Variants in NTN1 observed in about 807,000 individuals in gnomAD.
The protein encoded by NTN1 is netrin-1.
Under a neutral mutation model 54.2 loss-of-function variants are expected in NTN1, and 11 were observed. That is an observed-to-expected ratio of 0.20 (90% CI 0.13 to 0.34). The LOEUF (loss-of-function observed/expected upper bound fraction) is 0.34. NTN1 is among the 10% of genes least tolerant of loss of function. NTN1 has a pLI of 1.00. For synonymous variants in NTN1, 371 were observed against 382.0 expected, an observed-to-expected ratio of 0.97 and a Z score of 0.33; for missense variants, 740 against 893.1, an observed-to-expected ratio of 0.83 and a Z score of 2.18.
At chr17:9,044,397 G>T (rs1045715312) in intron 2 of NTN1, among the ~76,000 whole-genome samples, 1 of 151,878 alleles carries the variant, frequency 6.6e-6, no homozygotes, top group Non-Finnish European at 1.5e-5. Context: ...ACCATGCCTG[G>T]CTAGTTTTTG....
At chr17:9,036,072 G>A (rs1163613629) in intron 2 of NTN1, among the ~76,000 whole-genome samples, 1 of 152,080 alleles carries the variant, frequency 6.6e-6, no homozygotes, top group Non-Finnish European at 1.5e-5. Flanking sequence ...TGTTACCCAG[G>A]CTGGTCTTGA....
chr17:9,234,532 C>G (rs1328874523), intron 6 of NTN1, among the ~76,000 whole-genome samples: 1 of 152,234 alleles, frequency 6.6e-6, no homozygotes. Context: ...GGTGGAGCAC[C>G]AGGGCTCAGT....
At chr17:9,144,689 A>C (rs1212312203) in intron 2 of NTN1, among the ~76,000 whole-genome samples, 4 of 152,196 alleles carry the variant, frequency 2.6e-5, no homozygotes, top group African/African-American at 9.7e-5. Context: ...AGGTGGATGG[A>C]AGGCTGGAAC....
chr17:9,012,667 A>G, the NTN1 span, among the ~76,000 whole-genome samples: 11 of 151,752 alleles, frequency 7.2e-5, no homozygotes, highest in African/African-American at 2.4e-4. Flanking sequence ...GCTCTACTGG[A>G]TCCTTCTTAG....
At chr17:9,032,412 CAAAAG>C (rs748162769) in intron 2 of NTN1, among the ~76,000 whole-genome samples, 5 of 152,182 alleles carry the variant, frequency 3.3e-5, no homozygotes, top group Admixed American at 6.5e-5. Context: ...TCCCTACACT[CAAAAG>C]AAATTATGCC....
At chr17:9,085,397 C>T (rs1030669719) in intron 2 of NTN1, among the ~76,000 whole-genome samples, 26 of 152,144 alleles carry the variant, frequency 1.7e-4, no homozygotes, top group Admixed American at 1.3e-3. Context: ...GTGGAAGTTA[C>T]GCGTGTCATT....
At chr17:9,192,031 A>G (rs1160747882) in intron 5 of NTN1, among the ~76,000 whole-genome samples, 2 of 152,082 alleles carry the variant, frequency 1.3e-5, no homozygotes. Context: ...ATAAAAAGTA[A>G]TTATTCTCTG....
chr17:9,134,372 C>T (rs934790170), intron 2 of NTN1, among the ~76,000 whole-genome samples: 1 of 152,148 alleles, frequency 6.6e-6, no homozygotes, highest in African/African-American at 2.4e-5. Context: ...CCTCTCTCCC[C>T]CCAGAGCACT....
chr17:9,214,230 G>T (rs1905169681), intron 5 of NTN1, among the ~76,000 whole-genome samples: 1 of 152,030 alleles, frequency 6.6e-6, no homozygotes, highest in African/African-American at 2.4e-5. Flanking sequence ...TATCATTGTG[G>T]TCAGGAAATG....
chr17:9,043,277 C>T (rs1452304984), intron 2 of NTN1, among the ~76,000 whole-genome samples: 1 of 152,096 alleles, frequency 6.6e-6, no homozygotes, highest in Non-Finnish European at 1.5e-5. Flanking sequence ...ATAATAATAA[C>T]ATTTGATCAT....
chr17:9,083,522 T>C lies in NTN1; in HGVS notation c.1018+60131T>C, dbSNP rs143595161. Among the ~76,000 whole-genome samples the C allele has an allele frequency of 1.4e-3, 210 of 152,372 alleles. 1 individual carries two copies. The highest frequency in any genetic ancestry group is 1.8e-3 in the Non-Finnish European group (122 of 68,036). ...AATGGTCATGTGACCTGGTTTGGTC[T>C]AATGAAGCATGAAGGGACATTGGCT... On this transcript the variant is annotated intron_variant, in intron 2 of 6. Transcript: ENST00000173229.
chr17:9,118,248 G>A (rs541517534), intron 2 of NTN1, among the ~76,000 whole-genome samples: 54 of 152,320 alleles, frequency 3.5e-4, no homozygotes, highest in African/African-American at 7.7e-4. Flanking sequence ...GGCCGGGCGC[G>A]GTGGCTCACG....
chr17:9,221,312 G>A lies in NTN1; in HGVS notation c.1486+70G>A. ...GTGACCAGCGAGGTGCTGGGGCTGG[G>A]GTGCAGCTGGCCCCCGATGGGTGTT... On this transcript the variant is annotated intron_variant, in intron 6 of 6. Transcript: ENST00000173229. This position sits in a 1 kb window ranked among gnomAD's most constrained non-coding sequence, Gnocchi z 4.5. 1 of 1,241,832 alleles carries A rather than the reference G, an allele frequency of 8.1e-7. No individual in the cohort carries two copies. The highest frequency in any genetic ancestry group is 1.2e-6 in the Non-Finnish European group (1 of 841,718). The allele number at this position is 1,241,832 out of a possible 1,614,324, so 76.9% of individuals were successfully genotyped here. A position where few individuals can be genotyped will look rare whatever the true frequency, so the allele number is the denominator to read the frequency against.
At chr17:9,150,214 TAATA>T (rs1039943462) in intron 2 of NTN1, among the ~76,000 whole-genome samples, 5 of 152,104 alleles carry the variant, frequency 3.3e-5, no homozygotes, top group Non-Finnish European at 7.4e-5. Flanking sequence ...AAAAAATACA[TAATA>T]AATAAATAAG....
At chr17:9,087,981 T>C (rs1156289376) in intron 2 of NTN1, among the ~76,000 whole-genome samples, 1 of 152,198 alleles carries the variant, frequency 6.6e-6, no homozygotes, top group Admixed American at 6.5e-5. Flanking sequence ...ACCAGGAGGC[T>C]GAATGGAGCC....
intron 2 of NTN1, among the ~76,000 whole-genome samples, chr17:9,107,667 G>T (rs571143245): frequency 6.6e-6 from 1 of 152,268 alleles, no homozygotes; most frequent in South Asian, 2.1e-4. Context: ...GGCAAACCAT[G>T]GTCCATGGGC....
chr17:9,116,247 G>A (rs955323420), intron 2 of NTN1, among the ~76,000 whole-genome samples: 1 of 152,192 alleles, frequency 6.6e-6, no homozygotes, highest in African/African-American at 2.4e-5. Context: ...AGGCGGCATG[G>A]TGGGGTAGGC....
chr17:9,086,092 G>A (rs1234346288), intron 2 of NTN1, among the ~76,000 whole-genome samples: 1 of 152,182 alleles, frequency 6.6e-6, no homozygotes, highest in Non-Finnish European at 1.5e-5. Flanking sequence ...TGTCCCATTT[G>A]TTACTCATTT....
At chr17:9,018,749 A>G (rs2091837255), upstream of NTN1, among the ~76,000 whole-genome samples, 1 of 151,814 alleles carries the variant, frequency 6.6e-6, no homozygotes, top group Admixed American at 6.6e-5. Flanking sequence ...GAGCACCCCA[A>G]TTTGCTTCTT....
Sources: gnomAD v4.1 joint callset for allele counts (sites outside exome capture counted in the v4.1 genomes callset) on GRCh38, gnomAD v4.1.1 for gene constraint, Gnocchi (gnomAD v3.1) non-coding constraint, MANE v1.5 for transcripts, NCBI Gene and HGNC (gene_info 2026-07-23, HGNC 2026-07-21) for gene names.